The following SGCD variants were observed in gnomAD, a reference collection of about 807,000 sequenced individuals.
The protein encoded by SGCD is delta-sarcoglycan.
A neutral mutation model predicts 36.6 loss-of-function variants in SGCD; 18 were observed. That is an observed-to-expected ratio of 0.49 (90% CI 0.34 to 0.73). The LOEUF is 0.73. Ranked by LOEUF, SGCD falls within the 30% of genes least tolerant of loss-of-function variation. The pLI, the probability that SGCD is intolerant of heterozygous loss-of-function variation, is 0.01. For missense variants in SGCD, 387 were observed against 346.7 expected (o/e 1.12, Z -0.92); for synonymous variants, 133 against 130.6 (o/e 1.02, Z -0.12).
chr5:156,012,354 A>G (rs548591582), intron 1 of SGCD, among the ~76,000 whole-genome samples: 51 of 152,304 alleles, frequency 3.3e-4, no homozygotes, highest in African/African-American at 1.2e-3. Context: ...ATGTCATTTT[A>G]AAGGCTATGT....
intron 3 of SGCD, among the ~76,000 whole-genome samples, chr5:156,137,114 G>C (rs960379161): frequency 1.3e-5 from 2 of 152,182 alleles, no homozygotes; most frequent in African/African-American, 4.8e-5. Flanking sequence ...AGGACAAAAC[G>C]AGAGGGTTCT....
chr5:156,629,855 CTTTTTTTTTTTTTT>C (rs560099325), intron 6 of SGCD, among the ~76,000 whole-genome samples: 1 of 85,626 alleles, frequency 1.2e-5, no homozygotes, highest in Non-Finnish European at 2.4e-5. Context: ...GAGACTTTTT[CTTTTTTTTTTTTTT>C]TTTTTTTTTT....
rs80316842 is a variant in SGCD, at chr5:156,580,324, G to A, written c.295-8907G>A. 2.7e-3 allele frequency among the ~76,000 whole-genome samples: 408 copies of A among 152,262 alleles called. 2 individuals carry two copies. Among genetic ancestry groups the A allele is most frequent in the African/African-American group, 9.1e-3 (377 of 41,548 alleles). ...GCTTCCCTTTGTGGGTAACCCAACC[G>A]TTCTCTTTGGCTGCCTTTAACATTT... On this transcript the variant is annotated intron_variant, in intron 4 of 8. Coordinates refer to ENST00000337851, the MANE Select transcript of SGCD (RefSeq NM_000337.6).
rs371021474 is a variant in SGCD, at chr5:156,547,828, G to A, written c.294+39126G>A. ...TAGAAGACAGCTAGAATCTGTATTA[G>A]TTACTATATTTTTGGCTGCAGGAAT... On this transcript the variant is annotated intron_variant, in intron 4 of 8. Transcript: ENST00000337851. Among the ~76,000 whole-genome samples the A allele has an allele frequency of 3.2e-4, 49 of 152,202 alleles. 1 individual carries two copies. Among genetic ancestry groups the A allele is most frequent in the African/African-American group, 1.2e-3 (48 of 41,452 alleles).
At position 156,298,163 on chromosome 5, in the gene SGCD, C is replaced by G. The variant is rs556852634; in HGVS notation, c.-43-31371C>G. Among the ~76,000 whole-genome samples, 6 of 152,224 alleles carry G rather than the reference C, an allele frequency of 3.9e-5. No individual in the cohort carries two copies. The East Asian group carries it at 1.2e-3, about 29-fold the overall frequency. On this transcript the variant is annotated intron_variant, in intron 3 of 9. Transcript: ENST00000517913. ...CTCTGTTGTGTATCTGTACCACATT[C>G]TCTTTATCCATTCATCTGTTGATGT...
chr5:156,350,538 T>A (rs928605623), intron 3 of SGCD, among the ~76,000 whole-genome samples: 3 of 152,054 alleles, frequency 2.0e-5, no homozygotes, highest in Non-Finnish European at 4.4e-5. Flanking sequence ...AGTAAAGCAA[T>A]CTGGACAAGC....
intron 7 of SGCD, among the ~76,000 whole-genome samples, chr5:156,674,937 T>C (rs1753448478): frequency 6.6e-6 from 1 of 152,204 alleles, no homozygotes; most frequent in Non-Finnish European, 1.5e-5. Flanking sequence ...TCCCATTGTA[T>C]TGATGAGAAA....
intron 7 of SGCD, among the ~76,000 whole-genome samples, chr5:156,713,665 G>A (rs1056811526): frequency 2.6e-5 from 4 of 152,148 alleles, no homozygotes; most frequent in African/African-American, 9.7e-5. Context: ...TACTAATGTG[G>A]ATTTCCTCTC....
intron 4 of SGCD, among the ~76,000 whole-genome samples, chr5:156,530,714 G>T (rs773739951): frequency 1.3e-5 from 2 of 151,766 alleles, no homozygotes; most frequent in Non-Finnish European, 2.9e-5. Flanking sequence ...TGAGTAACTA[G>T]GATTACAGGC....
intron 4 of SGCD, among the ~76,000 whole-genome samples, chr5:156,521,738 CT>C (rs898861666): frequency 1.3e-5 from 2 of 152,176 alleles, no homozygotes; most frequent in African/African-American, 4.8e-5. Flanking sequence ...TGCTTTTACA[CT>C]GTTGGTGGGA....
intron 3 of SGCD, among the ~76,000 whole-genome samples, chr5:156,452,678 T>C (rs1754073099): frequency 6.6e-6 from 1 of 152,140 alleles, no homozygotes; most frequent in African/African-American, 2.4e-5. Flanking sequence ...TTTTAAAACA[T>C]AGGAGTTAGA....
intron 3 of SGCD, among the ~76,000 whole-genome samples, chr5:156,405,229 A>G (rs1483257742): frequency 6.6e-6 from 1 of 152,150 alleles, no homozygotes; most frequent in Non-Finnish European, 1.5e-5. Flanking sequence ...ACCTTGTAAG[A>G]CCCTCTTCAG....
At chr5:156,129,683 C>T (rs1762264016) in intron 3 of SGCD, among the ~76,000 whole-genome samples, 1 of 152,118 alleles carries the variant, frequency 6.6e-6, no homozygotes, top group Non-Finnish European at 1.5e-5. Flanking sequence ...TTGTTCCCTT[C>T]TTTGTGTTCA....
intron 3 of SGCD, among the ~76,000 whole-genome samples, chr5:156,475,199 A>G (rs1355173268): frequency 6.6e-6 from 1 of 152,134 alleles, no homozygotes; most frequent in East Asian, 1.9e-4. Flanking sequence ...ATTCTCCAAG[A>G]TACCCATTCA....
At chr5:156,396,489 G>A (rs1771855200) in intron 3 of SGCD, among the ~76,000 whole-genome samples, 1 of 152,074 alleles carries the variant, frequency 6.6e-6, no homozygotes. Context: ...TTAGGTAAGC[G>A]GGGTTTTGGA....
intron 3 of SGCD, among the ~76,000 whole-genome samples, chr5:156,247,364 A>G (rs559501609): frequency 6.6e-6 from 1 of 152,300 alleles, no homozygotes; most frequent in East Asian, 1.9e-4. Flanking sequence ...TTTTAAAGCA[A>G]ATTTTGGCAA....
At chr5:156,237,867 C>T (rs1257712636) in intron 3 of SGCD, among the ~76,000 whole-genome samples, 1 of 151,754 alleles carries the variant, frequency 6.6e-6, no homozygotes, top group African/African-American at 2.4e-5. Flanking sequence ...GACCTTGCCT[C>T]AAAACAAATG....
chr5:156,656,434 AAGAAGAG>A (rs1001605835), intron 7 of SGCD, among the ~76,000 whole-genome samples: 5 of 152,088 alleles, frequency 3.3e-5, no homozygotes, highest in African/African-American at 1.2e-4. Flanking sequence ...TTTTGATTGA[AAGAAGAG>A]AGAAGAGAGA....
intron 1 of SGCD, among the ~76,000 whole-genome samples, chr5:155,988,785 A>G (rs2127564076): frequency 2.0e-5 from 3 of 152,324 alleles, no homozygotes; most frequent in Admixed American, 2.0e-4. Context: ...GGTAATGGTA[A>G]TAATGACACC....
Sources: gnomAD v4.1 joint callset for allele counts (sites outside exome capture counted in the v4.1 genomes callset) on GRCh38, gnomAD v4.1.1 for gene constraint, MANE v1.5 for transcripts, NCBI Gene and HGNC (gene_info 2026-07-23, HGNC 2026-07-21) for gene names.